Variants in ATL2 observed in about 807,000 individuals in gnomAD.
ATL2 encodes the protein atlastin-2.
ATL2 carries 31 observed loss-of-function variants against 73.9 expected under a neutral mutation model. That is an observed-to-expected ratio of 0.42 (90% CI 0.32 to 0.57). The LOEUF (loss-of-function observed/expected upper bound fraction) is 0.57. Ranked by LOEUF, ATL2 falls within the 20% of genes least tolerant of loss-of-function variation. ATL2 has a pLI of 0.14. For synonymous variants in ATL2, 291 were observed against 237.5 expected (o/e 1.23, Z -2.07); for missense variants, 738 against 702.6 (o/e 1.05, Z -0.57).
At chr2:38,376,411 T>C (rs2124515133) in intron 1 of ATL2, 1 of 408,840 alleles carries the variant, frequency 2.4e-6, no homozygotes, top group African/African-American at 2.0e-5. Context: ...ACTTTCAGAG[T>C]GATCAGGCCT....
At chr2:38,336,396 G>A (rs1669358178) in intron 2 of ATL2, among the ~76,000 whole-genome samples, 2 of 152,184 alleles carry the variant, frequency 1.3e-5, no homozygotes, top group South Asian at 4.1e-4. Context: ...CAAATATGCT[G>A]TAGAAGGAGT....
At chr2:38,370,589 G>C (rs1285127882) in intron 1 of ATL2, among the ~76,000 whole-genome samples, 3 of 151,838 alleles carry the variant, frequency 2.0e-5, no homozygotes, top group Non-Finnish European at 4.4e-5. Context: ...TGACCAACGT[G>C]GTAAGACCCG....
At chr2:38,367,649 T>TTTTTTA (rs1671417783) in intron 1 of ATL2, among the ~76,000 whole-genome samples, 1 of 150,234 alleles carries the variant, frequency 6.7e-6, no homozygotes, top group African/African-American at 2.4e-5. Flanking sequence ...TTTTTTTTTT[T>TTTTTTA]GAGACGGAGT....
intron 1 of ATL2, among the ~76,000 whole-genome samples, chr2:38,352,753 G>GAC (rs1670431559): frequency 6.6e-6 from 1 of 152,166 alleles, no homozygotes; most frequent in African/African-American, 2.4e-5. Context: ...CACTAGAATC[G>GAC]ACATATCTTA....
At chr2:38,307,456 G>A (rs1333386334) in intron 9 of ATL2, among the ~76,000 whole-genome samples, 2 of 149,018 alleles carry the variant, frequency 1.3e-5, no homozygotes, top group South Asian at 2.3e-4. Context: ...CCGAGATCAC[G>A]CCACTGCAGT....
intron 1 of ATL2, among the ~76,000 whole-genome samples, chr2:38,358,022 T>C (rs1036745975): frequency 2.0e-5 from 3 of 152,180 alleles, no homozygotes; most frequent in African/African-American, 7.2e-5. Flanking sequence ...ATCACCTGAG[T>C]ATCTTGTTAA....
chr2:38,329,192 C>A (rs1156850342), intron 2 of ATL2, among the ~76,000 whole-genome samples: 1 of 149,524 alleles, frequency 6.7e-6, no homozygotes, highest in South Asian at 2.1e-4. Context: ...TTTGGGAGGC[C>A]GAGATGGGCA....
intron 8 of ATL2, 22 bp from the exon 9 acceptor site, chr2:38,309,528 A>C: frequency 1.2e-6 from 2 of 1,601,096 alleles, no homozygotes; most frequent in Non-Finnish European, 1.7e-6. Flanking sequence ...AAAATTGAGC[A>C]ACATATTAGT....
chr2:38,320,601 A>G (rs1668265478), intron 2 of ATL2, among the ~76,000 whole-genome samples: 1 of 152,218 alleles, frequency 6.6e-6, no homozygotes, highest in Admixed American at 6.5e-5. Flanking sequence ...GGGACATAAT[A>G]AATGAATACC....
intron 1 of ATL2, among the ~76,000 whole-genome samples, chr2:38,367,681 G>A (rs1372600255): frequency 2.0e-5 from 3 of 147,164 alleles, no homozygotes; most frequent in Admixed American, 6.8e-5. Flanking sequence ...CACCCAGGCT[G>A]GAGTGCAATG....
At chr2:38,376,032 C>T in intron 1 of ATL2, 2 of 1,367,870 alleles carry the variant, frequency 1.5e-6, no homozygotes, top group Non-Finnish European at 1.9e-6. Flanking sequence ...CCAGCAAAAC[C>T]TTTACACACC....
At chr2:38,330,277 A>G (rs1001674477) in intron 2 of ATL2, among the ~76,000 whole-genome samples, 2 of 151,998 alleles carry the variant, frequency 1.3e-5, no homozygotes, top group Non-Finnish European at 2.9e-5. Flanking sequence ...TTAAAAAAAA[A>G]TCTACAAAAA....
At chr2:38,371,694 T>TC (rs1671698924) in intron 1 of ATL2, among the ~76,000 whole-genome samples, 1 of 152,056 alleles carries the variant, frequency 6.6e-6, no homozygotes, top group African/African-American at 2.4e-5. Flanking sequence ...GGTCAGGAGT[T>TC]CGAGACCAGC....
intron 1 of ATL2, among the ~76,000 whole-genome samples, chr2:38,369,014 T>C (rs1428126446): frequency 6.6e-6 from 1 of 152,230 alleles, no homozygotes; most frequent in Non-Finnish European, 1.5e-5. Flanking sequence ...TAAACTGTAA[T>C]ATGCCCATTT....
At chr2:38,334,940 A>AAATATATTTATATATTATATTATATAAAT (rs374212779) in intron 2 of ATL2, among the ~76,000 whole-genome samples, 1 of 135,292 alleles carries the variant, frequency 7.4e-6, no homozygotes, top group African/African-American at 2.8e-5. Flanking sequence ...TATAATATAT[A>AAATATATTTATATATTATATTATATAAAT]ACATTTATAT....
intron 7 of ATL2, 49 bp from the exon 8 acceptor site, chr2:38,310,496 T>C (rs758829604): frequency 4.1e-5 from 63 of 1,533,572 alleles, no homozygotes; most frequent in Non-Finnish European, 5.3e-5. Context: ...GAAAGAAAAT[T>C]TTTTTAAAGA....
rs865937262 is a variant in ATL2, at chr2:38,357,515, G to A, written c.119-14003C>T. On this transcript the variant is annotated intron_variant, in intron 1 of 12. Transcript: ENST00000378954. ...CTAAAAATACAAAAATTAGCTGGGCGTGGTGGCACACCTGTAGTCCCAGCT... is the reference window on the plus strand; with the variant it reads ...CTAAAAATACAAAAATTAGCTGGGCATGGTGGCACACCTGTAGTCCCAGCT... 2.6e-5 allele frequency among the ~76,000 whole-genome samples: 4 copies of A among 151,316 alleles called. No individual in the cohort carries two copies. In the South Asian group the frequency reaches 6.2e-4, roughly 24 times the overall value.
chr2:38,365,931 G>A (rs1671298179), intron 1 of ATL2, among the ~76,000 whole-genome samples: 1 of 151,624 alleles, frequency 6.6e-6, no homozygotes, highest in Non-Finnish European at 1.5e-5. Flanking sequence ...TGGGCGACAA[G>A]AGCTAAACTC....
Position 38,328,489 on chromosome 2 carries a change from C to T in ATL2, c.364-9470G>A, listed in dbSNP as rs148416549. Among the ~76,000 whole-genome samples the T allele has an allele frequency of 5.8e-4, 89 of 152,186 alleles. 1 individual carries two copies. The highest frequency in any genetic ancestry group is 3.4e-3 in the Middle Eastern group (1 of 294). On this transcript the variant is annotated intron_variant, in intron 2 of 12. Transcript: ENST00000378954. ...TACAAAGTATGCTCTCATACCACAA[C>T]AGAATTAAACTATTACTAGAAATCA...
Sources: allele counts gnomAD v4.1 joint callset (sites outside exome capture counted in the v4.1 genomes callset), GRCh38; gene constraint gnomAD v4.1.1; transcripts MANE v1.5; gene names NCBI Gene and HGNC (gene_info 2026-07-23, HGNC 2026-07-21).